The following GLB1 variants were observed in gnomAD, a reference collection of about 807,000 sequenced individuals.
GLB1 encodes beta-galactosidase.
Under a neutral mutation model 74.0 loss-of-function variants are expected in GLB1, and 56 were observed. That is an observed-to-expected ratio of 0.76 (90% confidence interval 0.61 to 0.94). The LOEUF (loss-of-function observed/expected upper bound fraction) is 0.94. GLB1 is among the 40% of genes least tolerant of loss of function. The probability of loss-of-function intolerance (pLI) is 0.00; values close to 1 mark genes in which losing one functional copy is unlikely to be tolerated. For synonymous variants in GLB1, 323 were observed against 323.6 expected (o/e 1.00, Z 0.02); for missense variants, 787 against 845.5 (o/e 0.93, Z 0.86).
intron 10 of GLB1, 154 bp from the exon 11 acceptor site, chr3:33,024,479 G>A: frequency 1.3e-6 from 1 of 766,590 alleles, no homozygotes; most frequent in East Asian, 2.7e-5. Context: ...TTCTTCCAAA[G>A]CAGGATCTGG....
chr3:33,068,938 G>C lies in GLB1; in HGVS notation c.278C>G (p.Pro93Arg). The change falls in exon 3 of 16, where the codon CCA (proline) becomes CGA (arginine). Residue 93 changes from proline to arginine, a missense_variant. Transcript: ENST00000307363. ...GTCCTCAGAAAACTGGTACTGTCCT[G>C]GCCAGGGCTCATGAAAGTTCCAGGG... ...YVPWNFHEPW[P>R]GQYQFSEDHD... The C allele has an allele frequency of 6.2e-7, 1 of 1,614,186 alleles. No individual in the cohort carries two copies. Among genetic ancestry groups the C allele is most frequent in the Non-Finnish European group, 8.5e-7 (1 of 1,180,024 alleles).
At chr3:32,991,755 CA>C (rs941675376), downstream of GLB1, among the ~76,000 whole-genome samples, 1 of 152,236 alleles carries the variant, frequency 6.6e-6, no homozygotes, top group Non-Finnish European at 1.5e-5. Context: ...AACTTCAAGT[CA>C]TCCTGGCCCA....
chr3:32,967,973 C>CG, the GLB1 span, among the ~76,000 whole-genome samples: 9 of 152,270 alleles, frequency 5.9e-5, no homozygotes, highest in Middle Eastern at 3.4e-3. Flanking sequence ...GATCACCTCC[C>CG]GGGGAATGAC....
At chr3:33,021,962 T>A (rs1048639694) in intron 11 of GLB1, among the ~76,000 whole-genome samples, 2 of 152,214 alleles carry the variant, frequency 1.3e-5, no homozygotes, top group Non-Finnish European at 2.9e-5. Context: ...AAGGCTCAGA[T>A]GCTGCCTCCT....
At position 33,058,163 on chromosome 3, in the gene GLB1, G is replaced by T. The variant is rs1278706525; in HGVS notation, c.659C>A (p.Thr220Asn). Reference protein sequence around the residue: ...HLGDDVVLFTTDGAHKTFLKC... With the variant: ...HLGDDVVLFTNDGAHKTFLKC... ...CAGGAATGTTTTATGTGCTCCATCAGTGGTAAACAGAACCACATCATCCCC... is the reference window on the plus strand; with the variant it reads ...CAGGAATGTTTTATGTGCTCCATCATTGGTAAACAGAACCACATCATCCCC... The change falls in exon 6 of 16, where the codon ACT becomes AAT. Residue 220 changes from threonine (T) to asparagine (N), a missense_variant. Coordinates refer to ENST00000307363, the MANE Select transcript of GLB1 (RefSeq NM_000404.4). 3.7e-6 allele frequency: 6 copies of T among 1,613,998 alleles called. No homozygotes were observed. Among genetic ancestry groups the T allele is most frequent in the Non-Finnish European group, 5.1e-6 (6 of 1,180,030 alleles).
intron 15 of GLB1, among the ~76,000 whole-genome samples, chr3:33,003,354 C>T (rs914082098): frequency 6.6e-6 from 1 of 152,188 alleles, no homozygotes; most frequent in African/African-American, 2.4e-5. Context: ...TGGAACCAAG[C>T]TAGGAACTGA....
intron 10 of GLB1, chr3:33,045,513 T>C: frequency 2.0e-6 from 2 of 988,292 alleles, no homozygotes; most frequent in Non-Finnish European, 2.4e-6. Context: ...GTTTATCTTC[T>C]TCTCTCTTGC....
chr3:33,017,772 T>C (rs1040949853), intron 13 of GLB1, among the ~76,000 whole-genome samples: 1 of 151,986 alleles, frequency 6.6e-6, no homozygotes, highest in Non-Finnish European at 1.5e-5. Context: ...AGGTACAAAA[T>C]TGAATTGGAA....
the GLB1 span, among the ~76,000 whole-genome samples, chr3:32,986,049 GTGTT>G: frequency 1.3e-5 from 2 of 152,214 alleles, no homozygotes; most frequent in African/African-American, 4.8e-5. Flanking sequence ...AAATTAAAAT[GTGTT>G]TGTTTTTCTG....
At chr3:33,092,972 A>G (rs372370247) in intron 1 of GLB1, 5 of 1,614,188 alleles carry the variant, frequency 3.1e-6, no homozygotes, top group Middle Eastern at 3.3e-4. Flanking sequence ...CAAAGAAGGG[A>G]TTCAGGAGAT....
chr3:33,052,765 T>C (rs557459814), intron 7 of GLB1: 1 of 153,556 alleles, frequency 6.5e-6, no homozygotes, highest in African/African-American at 2.4e-5. Context: ...CATGTTTTTC[T>C]TGGGCATTGC....
At position 33,068,272 on chromosome 3, in the gene GLB1, G is replaced by C. The variant is rs761401801; in HGVS notation, c.415C>G (p.Leu139Val). The change falls in exon 4 of 16, where the codon CTG (leucine) becomes GTG (valine). Residue 139 changes from leucine (L) to valine (V), a missense_variant. Leu to Val is a conservative substitution (Grantham distance 32). Coordinates refer to ENST00000307363, the MANE Select transcript of GLB1 (RefSeq NM_000404.4). ...AGAAGAATAGACTCTTTCTCTAGCA[G>C]CCAAGCAGGTAATCCTCCCTAGTTC... is the stretch of plus-strand genomic sequence containing the variant. Reference protein sequence around the residue: ...EWEMGGLPAWLLEKESILLRS... With the variant: ...EWEMGGLPAWVLEKESILLRS... 6.2e-7 allele frequency: 1 copy of C among 1,613,958 alleles called. No individual in the cohort carries two copies. Among genetic ancestry groups the C allele is most frequent in the Admixed American group, 1.7e-5 (1 of 59,996 alleles).
At chr3:32,975,707 G>A in the GLB1 span, among the ~76,000 whole-genome samples, 1 of 152,204 alleles carries the variant, frequency 6.6e-6, no homozygotes, top group Non-Finnish European at 1.5e-5. Context: ...GCCCAAGGAA[G>A]AAATATAGTT....
chr3:33,009,121 A>AT (rs1403846558), intron 15 of GLB1, among the ~76,000 whole-genome samples: 6 of 130,232 alleles, frequency 4.6e-5, no homozygotes, highest in African/African-American at 1.0e-4. Flanking sequence ...CTCCATCTTA[A>AT]AAAATAAATA....
At chr3:33,015,829 C>T (rs1034762560) in intron 14 of GLB1, among the ~76,000 whole-genome samples, 4 of 152,196 alleles carry the variant, frequency 2.6e-5, no homozygotes, top group Admixed American at 6.5e-5. Flanking sequence ...AGACACCTGT[C>T]CTGCCCTAGC....
At position 33,068,809 on chromosome 3, in the gene GLB1, G is replaced by C; in HGVS notation, c.396+11C>G. ...CACACACCAGGTAGAGCCCAGTCTAGCCACACTCACCATTTCCCACTCTGC... is the reference window on the plus strand; with the variant it reads ...CACACACCAGGTAGAGCCCAGTCTACCCACACTCACCATTTCCCACTCTGC... On this transcript the variant is annotated intron_variant, in intron 3 of 15. Transcript: ENST00000307363. The C allele has an allele frequency of 6.2e-7, 1 of 1,613,648 alleles. No homozygotes were observed.
the GLB1 span, among the ~76,000 whole-genome samples, chr3:32,969,899 C>G: frequency 6.6e-6 from 1 of 152,236 alleles, no homozygotes; most frequent in Non-Finnish European, 1.5e-5. Flanking sequence ...ACTTGGCCCC[C>G]GGGAGTTCAG....
the GLB1 span, among the ~76,000 whole-genome samples, chr3:32,976,521 T>C: frequency 6.6e-6 from 1 of 152,208 alleles, no homozygotes. Flanking sequence ...CCCGAAGCCT[T>C]ATTTTCTCAC....
the GLB1 span, among the ~76,000 whole-genome samples, chr3:32,963,220 T>C: frequency 6.6e-6 from 1 of 152,086 alleles, no homozygotes; most frequent in Admixed American, 6.6e-5. Flanking sequence ...GTGGGCCAAA[T>C]GTATTGGCAT....
Sources: allele counts gnomAD v4.1 joint callset (sites outside exome capture counted in the v4.1 genomes callset), GRCh38; gene constraint gnomAD v4.1.1; transcripts MANE v1.5; gene names NCBI Gene and HGNC (gene_info 2026-07-23, HGNC 2026-07-21).